The following PIEZO1 variants were observed in gnomAD, a reference collection of about 807,000 sequenced individuals.
PIEZO1 encodes piezo type mechanosensitive ion channel component 1 (Er blood group).
A neutral mutation model predicts 297.2 loss-of-function variants in PIEZO1; 296 were observed. The observed-to-expected ratio is 1.00, with a 90% CI of 0.91 to 1.10. The LOEUF is 1.10. Ranked by LOEUF, PIEZO1 falls within the 50% of genes least tolerant of loss-of-function variation. The pLI, the probability that PIEZO1 is intolerant of heterozygous loss-of-function variation, is 0.00. For missense variants in PIEZO1, 5,018 were observed against 3,455.5 expected, an observed-to-expected ratio of 1.45 and a Z score of -11.34; for synonymous variants, 2,427 against 1,507.5, an observed-to-expected ratio of 1.61 and a Z score of -14.13.
At chr16:88,717,401 A>G (rs1018963558) in intron 44 of PIEZO1, 190 bp from the exon 45 acceptor site, 15 of 650,962 alleles carry the variant, frequency 2.3e-5, no homozygotes, top group Non-Finnish European at 4.2e-5. Flanking sequence ...CCTCATGTTC[A>G]GGGGTCGTTG....
At chr16:88,759,321 C>G (rs1906817397) in intron 1 of PIEZO1, among the ~76,000 whole-genome samples, 1 of 152,210 alleles carries the variant, frequency 6.6e-6, no homozygotes. Context: ...GCATGGGAAG[C>G]TCTGAAAGGG....
chr16:88,718,036 T>C (rs561943412), intron 44 of PIEZO1: 101 of 305,754 alleles, frequency 3.3e-4, no homozygotes, highest in South Asian at 2.5e-3. Flanking sequence ...TGAGTGAAGG[T>C]CATGCCACTG....
chr16:88,742,015 G>A (rs2142844039), intron 4 of PIEZO1, 38 bp downstream of exon 4: 4 of 1,533,364 alleles, frequency 2.6e-6, no homozygotes, highest in Non-Finnish European at 3.5e-6. Flanking sequence ...AATCCCCAAG[G>A]GAGGCTTGCT....
At chr16:88,774,095 C>T (rs946050257) in intron 1 of PIEZO1, among the ~76,000 whole-genome samples, 2 of 152,328 alleles carry the variant, frequency 1.3e-5, no homozygotes, top group African/African-American at 2.4e-5. Flanking sequence ...CAGCAGGAAC[C>T]GGTCACCAGG....
chr16:88,731,980 A>T, intron 21 of PIEZO1, 70 bp from the exon 22 acceptor site: 1 of 11,354 alleles, frequency 8.8e-5, no homozygotes. Flanking sequence ...TGTCCCACCC[A>T]GCAGGCCTCA....
At chr16:88,721,764 G>T (rs1001677689) in intron 37 of PIEZO1, 38 bp from the exon 38 acceptor site, 37 of 1,534,186 alleles carry the variant, frequency 2.4e-5, no homozygotes, top group Admixed American at 4.0e-5. Flanking sequence ...GGAGGGTCAC[G>T]GCGCGGTGGG....
intron 16 of PIEZO1, 103 bp downstream of exon 16, chr16:88,734,253 C>T: frequency 2.4e-6 from 3 of 1,251,012 alleles, no homozygotes; most frequent in Non-Finnish European, 3.2e-6. Flanking sequence ...CCCTTGGGAT[C>T]TGAAGGTGGA....
At chr16:88,720,045 G>A (rs542591795) in intron 42 of PIEZO1, 24 bp downstream of exon 42, 221 of 1,549,524 alleles carry the variant, frequency 1.4e-4, no homozygotes, top group Middle Eastern at 5.0e-4. Context: ...CCTGGAGACC[G>A]AGCGCCCCCA....
Position 88,721,355 on chromosome 16 carries a change from C to T in PIEZO1, c.5479G>A (p.Ala1827Thr). 1 of 1,549,172 alleles carries T rather than the reference C, an allele frequency of 6.5e-7. No homozygotes were observed. Among genetic ancestry groups the T allele is most frequent in the Non-Finnish European group, 8.7e-7 (1 of 1,146,948 alleles). The change falls in exon 39 of 51, where the codon GCC becomes ACC. Residue 1827 changes from alanine to threonine, a missense_variant. By Grantham distance (58) the Ala-to-Thr change is moderately conservative. Coordinates refer to ENST00000301015, the MANE Select transcript of PIEZO1 (RefSeq NM_001142864.4). The stretch of plus-strand genomic sequence containing the variant: ...GCAGGCACCCCTGGCCCCTCCTCGG[C>T]TCCCTGCTCCTCCTCGCCGCTCTTG... ...HDKSGEEEQG[A>T]EEGPGVPAAT...
intron 1 of PIEZO1, among the ~76,000 whole-genome samples, chr16:88,778,129 G>A (rs559555892): frequency 2.0e-5 from 3 of 152,328 alleles, no homozygotes; most frequent in African/African-American, 4.8e-5. Context: ...AGCACTGCGG[G>A]GGTCCAGGAC....
rs1247785605 is a variant in PIEZO1 at position 88,721,438 on chromosome 16, G to T, written c.5404-8C>A. ...GTCCCAGAGGCCATAGCACTGAGGG[G>T]CGGGAGGGTGTGGTGAGGGGGCCTT... On this transcript the variant is annotated splice_polypyrimidine_tract_variant and splice_region_variant and intron_variant, in intron 38 of 50. Coordinates refer to ENST00000301015, the MANE Select transcript of PIEZO1 (RefSeq NM_001142864.4). The T allele has an allele frequency of 2.6e-6, 4 of 1,544,090 alleles. No homozygotes were observed. The African/African-American group carries it at 5.5e-5, about 21-fold the overall frequency.
At chr16:88,778,048 T>G (rs967311594) in intron 1 of PIEZO1, among the ~76,000 whole-genome samples, 1 of 152,120 alleles carries the variant, frequency 6.6e-6, no homozygotes, top group African/African-American at 2.4e-5. Flanking sequence ...AAGTCACAGT[T>G]GAGTTTCATT....
rs1168467054 is a variant in PIEZO1, at chr16:88,723,866, C to T, written c.4335+5G>A. 4.0e-6 allele frequency: 6 copies of T among 1,492,040 alleles called. No homozygotes were observed. Among genetic ancestry groups the T allele is most frequent in the Non-Finnish European group, 5.5e-6 (6 of 1,093,606 alleles). The allele number at this position is 1,492,040 out of a possible 1,614,324, so 92.4% of individuals were successfully genotyped here. A position where few individuals can be genotyped will look rare whatever the true frequency, so the allele number is the denominator to read the frequency against. The stretch of plus-strand genomic sequence containing the variant: ...AGTGGGGCCGACGGGGCTCTCCCAC[C>T]TCACCTGGAAGGCACTCTGTGCCGA... On this transcript the variant is annotated splice_donor_5th_base_variant and intron_variant, in intron 31 of 50. Coordinates refer to ENST00000301015, the MANE Select transcript of PIEZO1 (RefSeq NM_001142864.4).
rs1317836594 is a variant in PIEZO1, at chr16:88,720,710, T to C, written c.5707A>G (p.Lys1903Glu). The change falls in exon 40 of 51, where the codon AAA (lysine) becomes GAA (glutamate). Residue 1903 changes from lysine to glutamate, a missense_variant. Transcript: ENST00000301015. ...TTCTCTCTCCCCGTGGGGGCCTCTTTCTCTTCCTCCCCCTCTTCTTCCTCC... is the reference window on the plus strand; with the variant it reads ...TTCTCTCTCCCCGTGGGGGCCTCTTCCTCTTCCTCCCCCTCTTCTTCCTCC... Reference protein sequence around the residue: ...DREEEEGEEEKEAPTGREKRP... With the variant: ...DREEEEGEEEEEAPTGREKRP... 1.3e-6 allele frequency: 2 copies of C among 1,533,418 alleles called. No homozygotes were observed. Among genetic ancestry groups the C allele is most frequent in the South Asian group, 2.5e-5 (2 of 81,618 alleles). 95.0% of individuals were successfully genotyped at this position (1,533,418 alleles called of 1,614,324 possible).
At chr16:88,774,750 A>G (rs1359290000) in intron 1 of PIEZO1, among the ~76,000 whole-genome samples, 2 of 152,192 alleles carry the variant, frequency 1.3e-5, no homozygotes. Context: ...CTTAGGGTAC[A>G]TGGGGTTCCC....
intron 21 of PIEZO1, 52 bp from the exon 22 acceptor site, chr16:88,731,962 G>GCGGGGCATGGAGATGC: frequency 8.4e-6 from 1 of 118,602 alleles, no homozygotes; most frequent in East Asian, 1.5e-4. Context: ...TGGGGGGAGG[G>GCGGGGCATGGAGATGC]ACTTTCTTGT....
intron 39 of PIEZO1, 51 bp from the exon 40 acceptor site, chr16:88,720,799 C>A (rs915624083): frequency 5.6e-5 from 81 of 1,447,518 alleles, no homozygotes; most frequent in Admixed American, 8.5e-5. Context: ...CTGGGCCTGG[C>A]TCATGGCTCC....
At chr16:88,749,626 CTCGCGCTT>C (rs1486894453) in intron 1 of PIEZO1, 147 bp from the exon 2 acceptor site, 18 of 617,654 alleles carry the variant, frequency 2.9e-5, no homozygotes, top group African/African-American at 3.9e-5. Context: ...TGGAAGCCGC[CTCGCGCTT>C]CCGTACATAT....
intron 1 of PIEZO1, among the ~76,000 whole-genome samples, chr16:88,758,554 A>C (rs1432813610): frequency 6.6e-6 from 1 of 151,976 alleles, no homozygotes; most frequent in Non-Finnish European, 1.5e-5. Flanking sequence ...CACTGCCCCC[A>C]CTCCACAGGC....
Sources: gnomAD v4.1 joint callset for allele counts (sites outside exome capture counted in the v4.1 genomes callset) on GRCh38, gnomAD v4.1.1 for gene constraint, MANE v1.5 for transcripts, NCBI Gene and HGNC (gene_info 2026-07-23, HGNC 2026-07-21) for gene names.